The following ARAP3 variants were observed in gnomAD, a reference collection of about 807,000 sequenced individuals.
The protein encoded by ARAP3 is ArfGAP with RhoGAP domain, ankyrin repeat and PH domain 3, also known as arf-GAP with Rho-GAP domain, ANK repeat and PH domain-containing protein 3.
In ARAP3, 82 loss-of-function variants were observed where a neutral mutation model predicts 169.2. The ratio of observed to expected loss-of-function variants is 0.48; its 90% CI spans 0.41 to 0.58. ARAP3 has a LOEUF of 0.58. ARAP3 is among the 20% of genes least tolerant of loss of function. The probability of loss-of-function intolerance (pLI) is 0.00; values close to 1 mark genes in which losing one functional copy is unlikely to be tolerated. For synonymous variants in ARAP3, 791 were observed against 800.3 expected (o/e 0.99, Z 0.20); for missense variants, 1,764 against 2,018.0 (o/e 0.87, Z 2.41).
chr5:141,656,872 A>G, intron 25 of ARAP3, 26 bp from the exon 26 acceptor site: 3 of 1,603,534 alleles, frequency 1.9e-6, no homozygotes, highest in South Asian at 1.1e-5. Context: ...GAGGGTTTAT[A>G]TATCAATCAG....
rs2099911492 is a variant in ARAP3, at chr5:141,671,842, C to T, written c.1671+53G>A. The T allele has an allele frequency of 6.2e-7, 1 of 1,613,392 alleles. No individual in the cohort carries two copies. ...TGTCCCCAGGCTGGCCCAAGGCCTGCTTCTGGACGCTCCCTTCTACGCCTC... is the reference window on the plus strand; with the variant it reads ...TGTCCCCAGGCTGGCCCAAGGCCTGTTTCTGGACGCTCCCTTCTACGCCTC... On this transcript the variant is annotated intron_variant, in intron 11 of 32. Coordinates refer to ENST00000239440, the MANE Select transcript of ARAP3 (RefSeq NM_022481.6). This position sits in a 1 kb window ranked among gnomAD's most constrained non-coding sequence, Gnocchi z 4.9.
chr5:141,679,366 CCT>C (rs1445874823), intron 4 of ARAP3, among the ~76,000 whole-genome samples, 177 bp downstream of exon 4: 2 of 152,280 alleles, frequency 1.3e-5, no homozygotes, highest in African/African-American at 4.8e-5. Context: ...TGTTTTATTC[CCT>C]GTCTGTCCCA....
chr5:141,664,775 A>G (rs2099910419), intron 19 of ARAP3, 147 bp downstream of exon 19: 2 of 1,000,384 alleles, frequency 2.0e-6, no homozygotes, highest in South Asian at 3.3e-5. Context: ...GAGTCAAATG[A>G]CCAGCTGGGG....
chr5:141,678,638 C>T (rs1415039454), intron 4 of ARAP3, among the ~76,000 whole-genome samples: 1 of 151,848 alleles, frequency 6.6e-6, no homozygotes, highest in Non-Finnish European at 1.5e-5. Flanking sequence ...TAGGCGTCCA[C>T]CACCGCACCT....
intron 21 of ARAP3, among the ~76,000 whole-genome samples, chr5:141,660,813 G>C (rs1489879739): frequency 1.3e-5 from 2 of 152,006 alleles, no homozygotes; most frequent in African/African-American, 4.8e-5. Context: ...GTGCAATACA[G>C]AAATGGCTTC....
At position 141,654,148 on chromosome 5, in the gene ARAP3, C is replaced by T. The variant is rs367655294; in HGVS notation, c.4437G>A (p.Gly1479=). ...PPSKSSPQAR[G]SLEEQLLQEL... is the part of the protein sequence containing the mutation. ...CCTGGAGCAGCTGTTCCTCTAGGGA[C>T]CCCCGTGCCTGGGGACTGCTCTTTG... Residue 1479 remains glycine, a synonymous_variant, in exon 33 of 33, where the codon GGG becomes GGA. Coordinates refer to ENST00000239440, the MANE Select transcript of ARAP3 (RefSeq NM_022481.6). 2 of 1,600,392 alleles carry T rather than the reference C, an allele frequency of 1.2e-6. No individual in the cohort carries two copies. Among genetic ancestry groups the T allele is most frequent in the African/African-American group, 1.3e-5 (1 of 74,770 alleles).
chr5:141,658,252 C>A, intron 25 of ARAP3, 113 bp downstream of exon 25: 2 of 1,025,732 alleles, frequency 1.9e-6, no homozygotes, highest in South Asian at 1.5e-5. Context: ...GTGGATGAGT[C>A]ATCCATGAGT....
rs2154599037 is a variant in ARAP3, at chr5:141,670,552, G to A, written c.2067C>T (p.Ser689=). 5 of 1,614,070 alleles carry A rather than the reference G, an allele frequency of 3.1e-6. No individual in the cohort carries two copies. The highest frequency in any genetic ancestry group is 4.2e-6 in the Non-Finnish European group (5 of 1,179,950). ...GAGGGGGTGAGGGTCCAGCTTTGTT[G>A]CTGACGGGACTGCAGTACAGGAAGC... ...YSGFLYCSPV[S]NKAGPSPPRR... The change falls in exon 14 of 33, where the codon AGC becomes AGT. Residue 689 remains serine (S), a synonymous_variant. Transcript: ENST00000239440.
chr5:141,661,820 G>A (rs372081061), intron 20 of ARAP3, 31 bp from the exon 21 acceptor site: 1 of 1,608,564 alleles, frequency 6.2e-7, no homozygotes, highest in Admixed American at 1.7e-5. Flanking sequence ...GGTTGGGGAG[G>A]ACCCGGGAAG....
chr5:141,662,799 C>A (rs2099910140), intron 19 of ARAP3, among the ~76,000 whole-genome samples: 1 of 152,148 alleles, frequency 6.6e-6, no homozygotes, highest in Admixed American at 6.6e-5. Flanking sequence ...GAAATGCTGT[C>A]TAGTGTTTCT....
chr5:141,670,148 C>A, intron 14 of ARAP3, 85 bp from the exon 15 acceptor site: 1 of 1,515,304 alleles, frequency 6.6e-7, no homozygotes, highest in South Asian at 1.3e-5. Context: ...TATTCTGTGC[C>A]AAGCCCTTTG....
In ARAP3 at chr5:141,655,418, G is replaced by T. The variant is rs374804842; in HGVS notation, c.4111-18C>A. The T allele has an allele frequency of 2.6e-5, 42 of 1,586,330 alleles. No homozygotes were observed. Among genetic ancestry groups the T allele is most frequent in the Non-Finnish European group, 3.4e-5 (40 of 1,166,172 alleles). On this transcript the variant is annotated intron_variant, in intron 31 of 32. Transcript: ENST00000239440. ...AGTCGCCGCTGGACACAGGTGGGGTGGGGACAAGGGGAAGGAAAGACATAA... is the reference window on the plus strand; with the variant it reads ...AGTCGCCGCTGGACACAGGTGGGGTTGGGACAAGGGGAAGGAAAGACATAA...
Position 141,655,589 on chromosome 5 carries a change from G to A in ARAP3, c.4110+32C>T, listed in dbSNP as rs529225343. ...CAATGTGACAAGGGCTACACGACAG[G>A]AATCGGGTTGGGGCAGGGTGGGGTG... On this transcript the variant is annotated intron_variant, in intron 31 of 32. Coordinates refer to ENST00000239440, the MANE Select transcript of ARAP3 (RefSeq NM_022481.6). 1.9e-5 allele frequency: 31 copies of A among 1,613,284 alleles called. No individual in the cohort carries two copies. In the Admixed American group the frequency reaches 4.2e-4, roughly 22 times the overall value.
rs2099908888 is a variant in ARAP3, at chr5:141,654,189, G to A, written c.4396C>T (p.Pro1466Ser). ...CTGCTCTTTGAAGGGGGGCCTGGAGGGGGCTCAGGTGGCCTCTCCTCCTGG... is the reference window on the plus strand; with the variant it reads ...CTGCTCTTTGAAGGGGGGCCTGGAGAGGGCTCAGGTGGCCTCTCCTCCTGG... ...LGQEERPPEP[P>S]PGPPSKSSPQ... Residue 1466 changes from proline (P) to serine (S), a missense_variant, in exon 33 of 33, where the codon CCT (proline) becomes TCT (serine). By Grantham distance (74) the Pro-to-Ser change is moderately conservative (BLOSUM62 -1). This residue lies in a region of ARAP3 where 1,112 missense variants were observed against 1,285.7 expected (regional missense o/e 0.86). Transcript: ENST00000239440. 2 of 1,613,930 alleles carry A rather than the reference G, an allele frequency of 1.2e-6. No homozygotes were observed. The highest frequency in any genetic ancestry group is 1.1e-5 in the South Asian group (1 of 91,086).
chr5:141,665,226 G>T, intron 18 of ARAP3, 85 bp downstream of exon 18: 1 of 1,576,956 alleles, frequency 6.3e-7, no homozygotes, highest in South Asian at 1.1e-5. Flanking sequence ...TTGAGGAAGT[G>T]GGCAATGGCC....
At chr5:141,663,822 T>C (rs2099910301) in intron 19 of ARAP3, among the ~76,000 whole-genome samples, 1 of 152,228 alleles carries the variant, frequency 6.6e-6, no homozygotes, top group Non-Finnish European at 1.5e-5. Context: ...CAGCCCTCTG[T>C]ATCCATGGGC....
chr5:141,671,989 G>A lies in ARAP3; in HGVS notation c.1586-9C>T. On this transcript the variant is annotated splice_polypyrimidine_tract_variant and intron_variant, in intron 10 of 32. Coordinates refer to ENST00000239440, the MANE Select transcript of ARAP3 (RefSeq NM_022481.6). This position sits in a 1 kb window ranked among gnomAD's most constrained non-coding sequence, Gnocchi z 4.9. ...CAGGGCCCGGTGCTGACCTGTGAGG[G>A]TGTGAGGGTGTGTGAGGGTGTGTGA... The A allele has an allele frequency of 6.3e-7, 1 of 1,585,472 alleles. No individual in the cohort carries two copies. Among genetic ancestry groups the A allele is most frequent in the Non-Finnish European group, 8.6e-7 (1 of 1,157,114 alleles).
intron 16 of ARAP3, among the ~76,000 whole-genome samples, chr5:141,668,854 T>C (rs2099911045): frequency 6.6e-6 from 1 of 152,052 alleles, no homozygotes; most frequent in East Asian, 1.9e-4. Flanking sequence ...CAGGAGGGCA[T>C]GGGCAGAGGA....
chr5:141,661,596 A>AAATG (rs1204638553), intron 21 of ARAP3, 88 bp downstream of exon 21: 143 of 1,317,636 alleles, frequency 1.1e-4, no homozygotes, highest in East Asian at 2.8e-4. Flanking sequence ...TGGAATGAAC[A>AAATG]AATGAATGAA....
Sources: gnomAD v4.1 joint callset for allele counts (sites outside exome capture counted in the v4.1 genomes callset) on GRCh38, gnomAD v4.1.1 for gene constraint, gnomAD v4.1.1 regional missense constraint, Gnocchi (gnomAD v3.1) non-coding constraint, MANE v1.5 for transcripts, NCBI Gene and HGNC (gene_info 2026-07-23, HGNC 2026-07-21) for gene names.